Variants in YEATS2 observed in about 807,000 individuals in gnomAD.
YEATS2 encodes the protein YEATS domain containing 2.
In YEATS2, 77 loss-of-function variants were observed where a neutral mutation model predicts 163.2. The ratio of observed to expected loss-of-function variants is 0.47; its 90% CI spans 0.39 to 0.57. The LOEUF (loss-of-function observed/expected upper bound fraction) is 0.57, where lower values mean the gene tolerates loss of function less well. YEATS2 is among the 20% of genes least tolerant of loss of function. The probability of loss-of-function intolerance (pLI) is 0.00; values close to 1 mark genes in which losing one functional copy is unlikely to be tolerated. For missense variants in YEATS2, 1,549 were observed against 1,729.8 expected (o/e 0.90, Z 1.85); for synonymous variants, 631 against 645.1 (o/e 0.98, Z 0.33).
intron 7 of YEATS2, among the ~76,000 whole-genome samples, chr3:183,736,473 G>A (rs1718353483): frequency 6.6e-6 from 1 of 152,134 alleles, no homozygotes; most frequent in African/African-American, 2.4e-5. Flanking sequence ...GGATTATATG[G>A]TCTAAGTTTA....
intron 7 of YEATS2, among the ~76,000 whole-genome samples, chr3:183,732,476 T>G (rs1411128635): frequency 6.6e-6 from 1 of 151,690 alleles, no homozygotes; most frequent in African/African-American, 2.4e-5. Context: ...AAAAAATAAA[T>G]AAATAAATAT....
chr3:183,803,501 G>GT, intron 26 of YEATS2, 166 bp downstream of exon 26: 1 of 690,074 alleles, frequency 1.4e-6, no homozygotes, highest in Non-Finnish European at 2.4e-6. Flanking sequence ...ACTTTCAGGC[G>GT]TGCCTTCTTT....
chr3:183,768,071 A>G (rs544376960), intron 15 of YEATS2, among the ~76,000 whole-genome samples: 11 of 152,340 alleles, frequency 7.2e-5, no homozygotes, highest in Non-Finnish European at 1.5e-4. Flanking sequence ...GAAGACTGCT[A>G]TCTTAGTTAA....
At chr3:183,809,952 G>GGTCCTGCTGCCCACT (rs1726628069) in intron 30 of YEATS2, 1 of 153,414 alleles carries the variant, frequency 6.5e-6, no homozygotes, top group Non-Finnish European at 1.4e-5. Flanking sequence ...CAAGAGTTCC[G>GGTCCTGCTGCCCACT]GTCCTGCTGC....
intron 9 of YEATS2, among the ~76,000 whole-genome samples, chr3:183,749,499 T>C (rs1719933653): frequency 6.6e-6 from 1 of 152,196 alleles, no homozygotes; most frequent in Non-Finnish European, 1.5e-5. Flanking sequence ...TGAATTTGAC[T>C]ACTCTAGGGT....
intron 8 of YEATS2, among the ~76,000 whole-genome samples, chr3:183,743,381 C>T (rs1412064720): frequency 6.6e-6 from 1 of 151,918 alleles, no homozygotes; most frequent in African/African-American, 2.4e-5. Flanking sequence ...TCACTGTTGC[C>T]CAGGCTAGAG....
intron 28 of YEATS2, 51 bp from the exon 29 acceptor site, chr3:183,807,979 G>A: frequency 1.4e-6 from 2 of 1,459,164 alleles, no homozygotes; most frequent in African/African-American, 1.4e-5. Flanking sequence ...TTGGAGAGAG[G>A]CTGTTTCTAA....
rs567738085 is a variant in YEATS2, at chr3:183,795,259, G to A, written c.3098-2664G>A. 1.1e-4 allele frequency among the ~76,000 whole-genome samples: 16 copies of A among 151,508 alleles called. No homozygotes were observed. In the East Asian group the frequency reaches 3.1e-3, roughly 29 times the overall value. Reference sequence around the variant, plus strand: ...TAAAATTAAAAATTGATGAATCAAGGCCTACAACATATACATTCCTTTTTA... The same window carrying A: ...TAAAATTAAAAATTGATGAATCAAGACCTACAACATATACATTCCTTTTTA... On this transcript the variant is annotated intron_variant, in intron 21 of 30. Transcript: ENST00000305135.
intron 6 of YEATS2, among the ~76,000 whole-genome samples, chr3:183,724,981 G>A (rs764801465): frequency 2.0e-5 from 3 of 149,394 alleles, no homozygotes; most frequent in Non-Finnish European, 4.4e-5. Context: ...GACCTCAGGT[G>A]ATCCATCCAC....
intron 1 of YEATS2, among the ~76,000 whole-genome samples, chr3:183,710,293 T>C (rs1413071170): frequency 1.3e-5 from 2 of 152,202 alleles, no homozygotes; most frequent in Admixed American, 1.3e-4. Flanking sequence ...GTCCAGAAGG[T>C]AATGTTATCA....
At chr3:183,756,988 G>A (rs75918809) in intron 12 of YEATS2, among the ~76,000 whole-genome samples, 4,222 of 152,212 alleles carry the variant, frequency 0.028, 189 homozygotes, top group African/African-American at 0.095. Context: ...TACGCTTTGG[G>A]GGACTGTAAG....
intron 21 of YEATS2, chr3:183,793,188 A>T: frequency 7.8e-7 from 1 of 1,284,114 alleles, no homozygotes; most frequent in Non-Finnish European, 1.0e-6. Flanking sequence ...ACACACACAC[A>T]CTCACGCATG....
intron 1 of YEATS2, among the ~76,000 whole-genome samples, chr3:183,712,778 T>C (rs199626853): frequency 2.2e-4 from 29 of 134,814 alleles, no homozygotes; most frequent in Admixed American, 6.9e-4. Flanking sequence ...TTTTTTTTTT[T>C]CGAGAGAGTT....
At chr3:183,709,496 G>A (rs891161412) in intron 1 of YEATS2, among the ~76,000 whole-genome samples, 70 of 151,416 alleles carry the variant, frequency 4.6e-4, no homozygotes, top group African/African-American at 1.6e-3. Context: ...TACCATGGCC[G>A]GCTAATTTTT....
chr3:183,780,286 G>C (rs1459341981), intron 19 of YEATS2, among the ~76,000 whole-genome samples: 1 of 152,198 alleles, frequency 6.6e-6, no homozygotes, highest in East Asian at 1.9e-4. Context: ...ACTGGAAACT[G>C]AATAGAACTG....
intron 8 of YEATS2, among the ~76,000 whole-genome samples, chr3:183,739,429 A>G (rs1718717440): frequency 9.8e-6 from 1 of 101,530 alleles, no homozygotes; most frequent in Non-Finnish European, 2.0e-5. Context: ...AAGGAGAACT[A>G]CAAACCACTG....
chr3:183,798,479 G>T (rs532339855), intron 22 of YEATS2, among the ~76,000 whole-genome samples: 1 of 152,122 alleles, frequency 6.6e-6, no homozygotes, highest in Non-Finnish European at 1.5e-5. Flanking sequence ...TCAGCCTCCC[G>T]AGTAGCTGGG....
At chr3:183,750,201 C>T (rs992868723) in intron 9 of YEATS2, among the ~76,000 whole-genome samples, 4 of 152,158 alleles carry the variant, frequency 2.6e-5, no homozygotes, top group African/African-American at 7.2e-5. Context: ...TCAAGCTGTC[C>T]GCCTGCCTTG....
chr3:183,720,220 TG>T lies in YEATS2; in HGVS notation c.291+1629del, dbSNP rs1365489787. 5.3e-5 allele frequency among the ~76,000 whole-genome samples: 8 copies of T among 152,190 alleles called. No homozygotes were observed. The East Asian group carries it at 1.5e-3, about 29-fold the overall frequency. ...CTAGATTATTCCAATTATAAAGGAA[TG>T]TTTTTTCCCAATTTAGTTTTTGACA... is the stretch of plus-strand genomic sequence containing the variant. On this transcript the variant is annotated intron_variant, in intron 4 of 30. Coordinates refer to ENST00000305135, the MANE Select transcript of YEATS2 (RefSeq NM_018023.5).
Sources: allele counts gnomAD v4.1 joint callset (sites outside exome capture counted in the v4.1 genomes callset), GRCh38; gene constraint gnomAD v4.1.1; transcripts MANE v1.5; gene names NCBI Gene and HGNC (gene_info 2026-07-23, HGNC 2026-07-21).